The following ALK variants were observed in gnomAD, a reference collection of about 807,000 sequenced individuals.
ALK encodes the protein ALK tyrosine kinase receptor.
A neutral mutation model predicts 163.1 loss-of-function variants in ALK; 74 were observed. The ratio of observed to expected loss-of-function variants is 0.45; its 90% confidence interval spans 0.38 to 0.55. The LOEUF is 0.55. ALK is among the 20% of genes least tolerant of loss of function. ALK has a pLI of 0.00. For missense variants in ALK, 2,063 were observed against 2,105.3 expected, an observed-to-expected ratio of 0.98 and a Z score of 0.39; for synonymous variants, 960 against 843.2, an observed-to-expected ratio of 1.14 and a Z score of -2.40.
At chr2:29,809,765 A>G (rs1210410724) in intron 1 of ALK, among the ~76,000 whole-genome samples, 2 of 152,236 alleles carry the variant, frequency 1.3e-5, no homozygotes, top group Non-Finnish European at 2.9e-5. Context: ...AGAGACATAT[A>G]CAAGGCCAGG....
chr2:29,542,489 T>C (rs1673439661), intron 3 of ALK, among the ~76,000 whole-genome samples: 1 of 152,198 alleles, frequency 6.6e-6, no homozygotes, highest in Non-Finnish European at 1.5e-5. Flanking sequence ...TAGTGAATCA[T>C]TGAATATTTG....
chr2:29,214,393 TTC>T (rs1378757702), intron 23 of ALK, among the ~76,000 whole-genome samples: 3 of 152,168 alleles, frequency 2.0e-5, no homozygotes, highest in Non-Finnish European at 4.4e-5. Flanking sequence ...GGAGCAGGTG[TTC>T]TTTCCCTTTT....
intron 3 of ALK, among the ~76,000 whole-genome samples, chr2:29,581,024 A>T (rs761424023): frequency 5.3e-5 from 8 of 152,190 alleles, no homozygotes; most frequent in Non-Finnish European, 1.0e-4. Flanking sequence ...TGGCCATACC[A>T]TGTGGTTCTG....
intron 1 of ALK, among the ~76,000 whole-genome samples, chr2:29,854,963 T>C (rs1015370767): frequency 2.0e-5 from 3 of 152,228 alleles, no homozygotes; most frequent in East Asian, 1.9e-4. Flanking sequence ...TTTCTTTTTC[T>C]TGAAATTTAC....
intron 5 of ALK, among the ~76,000 whole-genome samples, chr2:29,341,259 T>C (rs370874883): frequency 6.6e-6 from 1 of 152,254 alleles, no homozygotes; most frequent in African/African-American, 2.4e-5. Context: ...AGTGATCATG[T>C]CCTTCTCTGT....
intron 1 of ALK, among the ~76,000 whole-genome samples, chr2:29,865,506 A>G (rs558007561): frequency 1.1e-4 from 17 of 152,236 alleles, no homozygotes; most frequent in Admixed American, 9.2e-4. Flanking sequence ...TTTATATGTA[A>G]CAATCTGCAC....
chr2:29,372,853 G>A (rs768621228), intron 5 of ALK, among the ~76,000 whole-genome samples: 3 of 152,216 alleles, frequency 2.0e-5, no homozygotes, highest in Non-Finnish European at 4.4e-5. Context: ...TGGAAAGTTT[G>A]AATCCTGCTG....
At chr2:29,494,987 C>T (rs931992675) in intron 4 of ALK, among the ~76,000 whole-genome samples, 8 of 152,136 alleles carry the variant, frequency 5.3e-5, no homozygotes, top group African/African-American at 1.9e-4. Context: ...ATATCGCTCA[C>T]CTGCGATAGC....
At chr2:29,207,083 G>A (rs1669330298) in intron 26 of ALK, 88 bp downstream of exon 26, 12 of 1,005,498 alleles carry the variant, frequency 1.2e-5, no homozygotes, top group South Asian at 3.8e-5. Context: ...ACTAACACAC[G>A]GGCTCCCGGC....
chr2:29,320,789 A>G lies in ALK; in HGVS notation c.1508T>C (p.Val503Ala), dbSNP rs759251908. ...TLSPHTPQWQ[V>A]RTLKDARFQD... ...GAACCGGGCATCCTTTAGGGTCCTG[A>G]CCTGCCATTGAGGAGTGTGGGGTGA... The change falls in exon 7 of 29, where the codon GTC becomes GCC. Residue 503 changes from valine to alanine, a missense_variant. This residue lies in a region of ALK where 987 missense variants were observed against 939.5 expected (regional missense o/e 1.05). Coordinates refer to ENST00000389048, the MANE Select transcript of ALK (RefSeq NM_004304.5). 6.2e-7 allele frequency: 1 copy of G among 1,613,600 alleles called. No individual in the cohort carries two copies. The highest frequency in any genetic ancestry group is 1.1e-5 in the South Asian group (1 of 91,058).
chr2:29,465,057 G>A (rs1182945365), intron 4 of ALK, among the ~76,000 whole-genome samples: 2 of 152,172 alleles, frequency 1.3e-5, no homozygotes, highest in African/African-American at 4.8e-5. Context: ...AAAACTTTAA[G>A]TTCACAGAGC....
chr2:29,537,482 A>C (rs1673290862), intron 3 of ALK, among the ~76,000 whole-genome samples: 1 of 152,240 alleles, frequency 6.6e-6, no homozygotes, highest in Non-Finnish European at 1.5e-5. Context: ...CACAGAATGC[A>C]AGAGTGAAGA....
At chr2:29,692,704 C>T (rs1275668167) in intron 3 of ALK, among the ~76,000 whole-genome samples, 1 of 152,200 alleles carries the variant, frequency 6.6e-6, no homozygotes, top group African/African-American at 2.4e-5. Context: ...TCCTAACAGG[C>T]CATGGACAGG....
At chr2:29,796,087 A>G (rs1664302606) in intron 1 of ALK, among the ~76,000 whole-genome samples, 1 of 152,168 alleles carries the variant, frequency 6.6e-6, no homozygotes, top group Non-Finnish European at 1.5e-5. Context: ...CTTATGGTCA[A>G]ATGAGAAGAC....
intron 3 of ALK, among the ~76,000 whole-genome samples, chr2:29,663,147 G>A (rs1677401938): frequency 6.6e-6 from 1 of 152,124 alleles, no homozygotes; most frequent in Non-Finnish European, 1.5e-5. Context: ...ATAAATCAGA[G>A]CAGACTAAAC....
At chr2:29,573,116 C>T (rs1210045974) in intron 3 of ALK, among the ~76,000 whole-genome samples, 1 of 152,230 alleles carries the variant, frequency 6.6e-6, no homozygotes, top group Non-Finnish European at 1.5e-5. Context: ...CTACAGCTCC[C>T]TCCTTTCTCT....
chr2:29,574,666 G>A (rs1252629449), intron 3 of ALK, among the ~76,000 whole-genome samples: 1 of 152,242 alleles, frequency 6.6e-6, no homozygotes, highest in African/African-American at 2.4e-5. Context: ...GCAGGAATGG[G>A]TACAAGTTCC....
At chr2:29,573,494 T>TA (rs1273488690) in intron 3 of ALK, among the ~76,000 whole-genome samples, 1 of 152,178 alleles carries the variant, frequency 6.6e-6, no homozygotes, top group Admixed American at 6.5e-5. Context: ...TCTTAAAATG[T>TA]AAAAAAAATT....
chr2:29,707,583 G>T (rs1395073234), intron 2 of ALK, among the ~76,000 whole-genome samples: 2 of 152,188 alleles, frequency 1.3e-5, no homozygotes, highest in Non-Finnish European at 2.9e-5. Flanking sequence ...AGGAGATAAG[G>T]TTATTCTAGG....
Sources: allele counts gnomAD v4.1 joint callset (sites outside exome capture counted in the v4.1 genomes callset), GRCh38; gene constraint gnomAD v4.1.1; regional missense constraint gnomAD v4.1.1; transcripts MANE v1.5; gene names NCBI Gene and HGNC (gene_info 2026-07-23, HGNC 2026-07-21).